The following ALPK2 variants were observed in gnomAD, a reference collection of about 807,000 sequenced individuals.
ALPK2 encodes the protein alpha-protein kinase 2.
In ALPK2, 127 loss-of-function variants were observed where a neutral mutation model predicts 163.1. That is an observed-to-expected ratio of 0.78 (90% confidence interval 0.67 to 0.90). The LOEUF (loss-of-function observed/expected upper bound fraction) is 0.90, where lower values mean the gene tolerates loss of function less well. Among genes scored for constraint, ALPK2 ranks in the 40% least tolerant of loss-of-function variants. ALPK2 has a pLI of 0.00. For missense variants in ALPK2, 2,360 were observed against 2,589.6 expected (o/e 0.91, Z 1.92); for synonymous variants, 953 against 959.1 (o/e 0.99, Z 0.12).
chr18:58,572,507 A>G (rs2051890804), intron 4 of ALPK2, among the ~76,000 whole-genome samples: 1 of 152,240 alleles, frequency 6.6e-6, no homozygotes, highest in South Asian at 2.1e-4. Flanking sequence ...CAACCAGTGA[A>G]AGACTAAGCG....
chr18:58,544,607 A>G (rs1184865989), intron 4 of ALPK2: 1 of 152,216 alleles, frequency 6.6e-6, no homozygotes, highest in African/African-American at 2.4e-5. Context: ...TTAACTAACA[A>G]CGCTGCTCCA....
At chr18:58,542,416 T>C (rs954011912) in intron 4 of ALPK2, among the ~76,000 whole-genome samples, 71 of 152,172 alleles carry the variant, frequency 4.7e-4, no homozygotes, top group African/African-American at 1.7e-3. Context: ...GCTATGAGCT[T>C]TATGAGGGTT....
intron 6 of ALPK2, among the ~76,000 whole-genome samples, chr18:58,527,671 T>G (rs1288043879): frequency 1.3e-5 from 2 of 152,250 alleles, no homozygotes; most frequent in Non-Finnish European, 2.9e-5. Context: ...ATTAGTACCT[T>G]TTTAAGTGAA....
chr18:58,535,193 G>A lies in ALPK2; in HGVS notation c.4994C>T (p.Ala1665Val), dbSNP rs2051637400. Residue 1665 changes from alanine (A) to valine (V), a missense_variant, in exon 5 of 13, where the codon GCC becomes GTC. Transcript: ENST00000361673. ...ACATGGATCCTGCAGTAATTTAGGG[G>A]CTTTCTCTAACTCACGTTCTCCTGA... The part of the protein sequence containing the change: ...FISGERELEK[A>V]PKLLQDPCQK... 6.2e-7 allele frequency: 1 copy of A among 1,614,010 alleles called. No individual in the cohort carries two copies. Among genetic ancestry groups the A allele is most frequent in the African/African-American group, 1.3e-5 (1 of 75,008 alleles).
At chr18:58,518,659 C>A in intron 8 of ALPK2, among the ~76,000 whole-genome samples, 1 of 152,158 alleles carries the variant, frequency 6.6e-6, no homozygotes, top group East Asian at 1.9e-4. Context: ...CCAGGAAGAA[C>A]AAAGGTTAAT....
rs1338857594 is a variant in ALPK2, at chr18:58,536,653, G to C, written c.3534C>G (p.Ser1178Arg). 1.2e-6 allele frequency: 2 copies of C among 1,614,166 alleles called. No individual in the cohort carries two copies. Residue 1178 changes from serine (S) to arginine (R), a missense_variant, in exon 5 of 13, where the codon AGC becomes AGG. Transcript: ENST00000361673. The part of the protein sequence containing the change: ...NLVPTAHSPA[S>R]SREGAGQRSG... ...AGCGCTGCCCTGCTCCTTCCCTAGA[G>C]CTTGCGGGTGAGTGGGCCGTGGGCA...
chr18:58,486,457 A>G (rs1360426072), intron 12 of ALPK2, among the ~76,000 whole-genome samples: 1 of 152,080 alleles, frequency 6.6e-6, no homozygotes, highest in Admixed American at 6.5e-5. Flanking sequence ...ACAGATTATG[A>G]TCTCTCTCAG....
intron 11 of ALPK2, among the ~76,000 whole-genome samples, chr18:58,501,073 G>A (rs1010747144): frequency 6.6e-6 from 1 of 152,280 alleles, no homozygotes; most frequent in East Asian, 1.9e-4. Flanking sequence ...GAATAGATGC[G>A]CTATCTCATG....
At chr18:58,596,913 C>T (rs999232753) in intron 3 of ALPK2, among the ~76,000 whole-genome samples, 1 of 152,156 alleles carries the variant, frequency 6.6e-6, no homozygotes, top group African/African-American at 2.4e-5. Context: ...CTCAACCCCC[C>T]AGGCCCAACC....
intron 4 of ALPK2, among the ~76,000 whole-genome samples, chr18:58,542,659 T>A (rs1186687676): frequency 1.3e-5 from 2 of 152,196 alleles, no homozygotes; most frequent in African/African-American, 4.8e-5. Context: ...GGAAGAGGTT[T>A]AGACCTACTT....
chr18:58,565,768 TTC>T lies in ALPK2; in HGVS notation c.1962+13044_1962+13045del, dbSNP rs1491037439. Among the ~76,000 whole-genome samples the T allele has an allele frequency of 2.5e-4, 31 of 122,760 alleles. 1 individual carries two copies. Among genetic ancestry groups the T allele is most frequent in the Admixed American group, 1.8e-3 (20 of 11,356 alleles). 80.5% of individuals were successfully genotyped at this position (122,760 alleles called of 152,430 possible). On this transcript the variant is annotated intron_variant, in intron 4 of 12. Coordinates refer to ENST00000361673, the MANE Select transcript of ALPK2 (RefSeq NM_052947.4). ...CTTCCTTCCTTCCTTCCTTCCTTCC[TTC>T]CTTTCTTTCTTTCTTTCTTCCTTTC...
intron 1 of ALPK2, among the ~76,000 whole-genome samples, chr18:58,614,026 G>T (rs2052150771): frequency 6.6e-6 from 1 of 152,318 alleles, no homozygotes; most frequent in Admixed American, 6.5e-5. Context: ...AAATATCAGG[G>T]TTAAAAAATA....
chr18:58,550,695 CAA>C (rs2051753715), intron 4 of ALPK2, among the ~76,000 whole-genome samples: 2 of 126,024 alleles, frequency 1.6e-5, no homozygotes, highest in African/African-American at 2.9e-5. Flanking sequence ...CCATCGTGTA[CAA>C]CCCCATCCCC....
chr18:58,626,721 C>T (rs2052232564), intron 1 of ALPK2, among the ~76,000 whole-genome samples: 1 of 152,108 alleles, frequency 6.6e-6, no homozygotes, highest in Non-Finnish European at 1.5e-5. Flanking sequence ...ATCATAGATA[C>T]ATTCTAAAAT....
At chr18:58,580,767 A>G (rs2051954668) in intron 3 of ALPK2, 1 of 560,252 alleles carries the variant, frequency 1.8e-6, no homozygotes, top group Non-Finnish European at 3.2e-6. Context: ...CTCCCTTGAA[A>G]CTTTCCTCAA....
chr18:58,622,108 A>T lies in ALPK2; in HGVS notation c.-21+6656T>A, dbSNP rs139467245. On this transcript the variant is annotated intron_variant, in intron 1 of 12. Coordinates refer to ENST00000361673, the MANE Select transcript of ALPK2 (RefSeq NM_052947.4). ...ACTCCTGTAATCCCAGCATTTTGGG[A>T]GGCCGAGGCAGGCAGATCACCTGAG... 2.1e-3 allele frequency among the ~76,000 whole-genome samples: 320 copies of T among 151,778 alleles called. 3 individuals carry two copies. Among genetic ancestry groups the T allele is most frequent in the East Asian group, 0.016 (83 of 5,172 alleles).
chr18:58,487,842 C>T (rs1014824923), intron 12 of ALPK2, among the ~76,000 whole-genome samples: 5 of 150,600 alleles, frequency 3.3e-5, no homozygotes, highest in African/African-American at 7.4e-5. Context: ...GGCAACATAA[C>T]GAGACCCTAT....
At chr18:58,521,627 C>CCTTTTTTTTTTTTT (rs2051552824) in intron 8 of ALPK2, among the ~76,000 whole-genome samples, 1 of 55,376 alleles carries the variant, frequency 1.8e-5, no homozygotes, top group Non-Finnish European at 3.5e-5. Flanking sequence ...TTCTCTCTCT[C>CCTTTTTTTTTTTTT]TTTTTTTTTT....
At chr18:58,485,144 G>A (rs896659286) in intron 12 of ALPK2, among the ~76,000 whole-genome samples, 1 of 152,206 alleles carries the variant, frequency 6.6e-6, no homozygotes, top group African/African-American at 2.4e-5. Context: ...AATTGCACAC[G>A]CATGAAACCA....
Sources: allele counts gnomAD v4.1 joint callset (sites outside exome capture counted in the v4.1 genomes callset), GRCh38; gene constraint gnomAD v4.1.1; transcripts MANE v1.5; gene names NCBI Gene and HGNC (gene_info 2026-07-23, HGNC 2026-07-21).